Variants in FLRT2 observed in about 807,000 individuals in gnomAD.
FLRT2 encodes fibronectin leucine rich transmembrane protein 2, also known as leucine-rich repeat transmembrane protein FLRT2.
Under a neutral mutation model 40.0 loss-of-function variants are expected in FLRT2, and 15 were observed. The ratio of observed to expected loss-of-function variants is 0.38; its 90% CI spans 0.25 to 0.58. The LOEUF is 0.58. FLRT2 is among the 20% of genes least tolerant of loss of function. The pLI, the probability that FLRT2 is intolerant of heterozygous loss-of-function variation, is 0.71. For missense variants in FLRT2, 726 were observed against 840.0 expected, an observed-to-expected ratio of 0.86 and a Z score of 1.68; for synonymous variants, 380 against 336.8, an observed-to-expected ratio of 1.13 and a Z score of -1.41.
chr14:85,558,790 C>T (rs143931686), intron 1 of FLRT2, among the ~76,000 whole-genome samples: 170 of 152,242 alleles, frequency 1.1e-3, no homozygotes, highest in Non-Finnish European at 2.1e-3. Context: ...TTTTGGAATG[C>T]TTTTGTATCA....
At chr14:85,533,301 G>A (rs913606545) in intron 1 of FLRT2, among the ~76,000 whole-genome samples, 6 of 152,030 alleles carry the variant, frequency 3.9e-5, no homozygotes, top group Non-Finnish European at 5.9e-5. Flanking sequence ...GAGGGGTAGG[G>A]GTGGGGGCCG....
At chr14:85,600,675 G>C (rs1487000052) in intron 1 of FLRT2, among the ~76,000 whole-genome samples, 2 of 152,182 alleles carry the variant, frequency 1.3e-5, no homozygotes, top group Admixed American at 6.5e-5. Flanking sequence ...AATTTCAAAA[G>C]TATTTCAGGA....
At chr14:85,589,993 T>A (rs573480155) in intron 1 of FLRT2, among the ~76,000 whole-genome samples, 9 of 152,162 alleles carry the variant, frequency 5.9e-5, no homozygotes, top group Non-Finnish European at 1.3e-4. Context: ...CTGTTTTGGT[T>A]ACTATAGCTC....
chr14:85,554,590 G>A (rs1025172681), intron 1 of FLRT2, among the ~76,000 whole-genome samples: 4 of 152,168 alleles, frequency 2.6e-5, no homozygotes, highest in African/African-American at 4.8e-5. Context: ...TCACCTGATA[G>A]GGTTGAGAAT....
intron 1 of FLRT2, among the ~76,000 whole-genome samples, chr14:85,606,382 C>T (rs937976266): frequency 3.3e-5 from 5 of 152,176 alleles, no homozygotes; most frequent in Admixed American, 3.3e-4. Flanking sequence ...GTTACTTAAA[C>T]ACTTGACGTC....
intron 1 of FLRT2, among the ~76,000 whole-genome samples, chr14:85,583,022 G>A (rs918662886): frequency 1.3e-5 from 2 of 151,946 alleles, no homozygotes; most frequent in African/African-American, 4.8e-5. Context: ...AAAATAGAAA[G>A]CCATCTGAAA....
intron 1 of FLRT2, among the ~76,000 whole-genome samples, chr14:85,531,405 A>G (rs866389770): frequency 6.6e-6 from 1 of 152,172 alleles, no homozygotes; most frequent in African/African-American, 2.4e-5. Flanking sequence ...CGCGCTGACC[A>G]GTACGGGGCT....
rs979093906 is a variant in FLRT2, at chr14:85,645,848, A to C, written c.*22351A>C. On this transcript the variant is annotated 3_prime_UTR_variant, in exon 2 of 2. Coordinates refer to ENST00000330753, the MANE Select transcript of FLRT2 (RefSeq NM_013231.6). ...TTCAACAACATAGTTCATTTGGTAG[A>C]GTCAATACTGAGTACCTAAGAGCCC... The C allele has an allele frequency of 1.3e-5, 2 of 152,184 alleles. No individual in the cohort carries two copies. The highest frequency in any genetic ancestry group is 4.8e-5 in the African/African-American group (2 of 41,456). 9.4% of individuals were successfully genotyped at this position (152,184 alleles called of 1,614,324 possible).
chr14:85,589,899 T>C (rs1427112321), intron 1 of FLRT2, among the ~76,000 whole-genome samples: 1 of 152,102 alleles, frequency 6.6e-6, no homozygotes, highest in East Asian at 1.9e-4. Flanking sequence ...TTGGCACTTT[T>C]GTCAAAAGTG....
rs140724456 is a variant in FLRT2 at position 85,576,901 on chromosome 14, A to G, written c.-376-44238A>G. On this transcript the variant is annotated intron_variant, in intron 1 of 1. Coordinates refer to ENST00000330753, the MANE Select transcript of FLRT2 (RefSeq NM_013231.6). Reference sequence around the variant, plus strand: ...CCCAAATCTTTGACATGAAATTCACAAAATGTGCACACGTTTTGTATTTCT... The same window carrying G: ...CCCAAATCTTTGACATGAAATTCACGAAATGTGCACACGTTTTGTATTTCT... Among the ~76,000 whole-genome samples the G allele has an allele frequency of 2.3e-3, 349 of 152,336 alleles. 3 individuals carry two copies. The highest frequency in any genetic ancestry group is 0.017 in the Middle Eastern group (5 of 294).
intron 1 of FLRT2, among the ~76,000 whole-genome samples, chr14:85,618,194 A>G (rs1390903339): frequency 6.6e-6 from 1 of 152,184 alleles, no homozygotes; most frequent in Non-Finnish European, 1.5e-5. Context: ...AGCAAACACC[A>G]TCATCCTCAA....
intron 1 of FLRT2, among the ~76,000 whole-genome samples, chr14:85,591,384 G>C (rs1332355385): frequency 6.6e-6 from 1 of 152,172 alleles, no homozygotes; most frequent in Non-Finnish European, 1.5e-5. Flanking sequence ...CTGAATGAAA[G>C]CACGCATCAG....
chr14:85,614,268 T>C (rs1893022930), intron 1 of FLRT2, among the ~76,000 whole-genome samples: 1 of 152,170 alleles, frequency 6.6e-6, no homozygotes, highest in African/African-American at 2.4e-5. Flanking sequence ...CTACCTCTCT[T>C]AAACCAGTTT....
At chr14:85,532,357 G>T (rs1447169607) in intron 1 of FLRT2, among the ~76,000 whole-genome samples, 2 of 152,228 alleles carry the variant, frequency 1.3e-5, no homozygotes, top group Non-Finnish European at 2.9e-5. Context: ...CAACTTACTG[G>T]AGGCAGGAAG....
intron 1 of FLRT2, among the ~76,000 whole-genome samples, chr14:85,559,892 G>A (rs1890200285): frequency 6.6e-6 from 1 of 152,174 alleles, no homozygotes; most frequent in Admixed American, 6.5e-5. Context: ...TCCTGGGCCT[G>A]CCTGGATCAC....
At chr14:85,595,440 A>G (rs1182634512) in intron 1 of FLRT2, among the ~76,000 whole-genome samples, 2 of 128,428 alleles carry the variant, frequency 1.6e-5, no homozygotes, top group Non-Finnish European at 3.3e-5. Context: ...ATTAGCAGTA[A>G]GATGTGAAAA....
In FLRT2 at chr14:85,645,435, T is replaced by C. The variant is rs970169397; in HGVS notation, c.*21938T>C. The C allele has an allele frequency of 6.6e-6, 1 of 152,062 alleles. No individual in the cohort carries two copies. The highest frequency in any genetic ancestry group is 1.5e-5 in the Non-Finnish European group (1 of 68,002). The allele number at this position is 152,062 out of a possible 1,614,324, so 9.4% of individuals were successfully genotyped here. On this transcript the variant is annotated 3_prime_UTR_variant, in exon 2 of 2. Transcript: ENST00000330753. ...TAATTGGCACTTTTTCTTCAACCCA[T>C]ACCTGCTTCTCAGAGAAACTATAGA...
rs869148428 is a variant in FLRT2 at position 85,639,851 on chromosome 14, C to CTTTTTTTTTTT, written c.*16359_*16369dup. On this transcript the variant is annotated 3_prime_UTR_variant, in exon 2 of 2. Transcript: ENST00000330753. ...GAAATTCTTTATTTTTTTTTTTTTC[C>CTTTTTTTTTTT]TTTTTTTTTTTTTTTGAGACAGTGT... 1 of 119,250 alleles carries CTTTTTTTTTTT rather than the reference C, an allele frequency of 8.4e-6. No individual in the cohort carries two copies. Among genetic ancestry groups the CTTTTTTTTTTT allele is most frequent in the Non-Finnish European group, 1.6e-5 (1 of 62,186 alleles). 7.4% of individuals were successfully genotyped at this position (119,250 alleles called of 1,614,324 possible).
intron 1 of FLRT2, among the ~76,000 whole-genome samples, chr14:85,579,839 G>A (rs1891305591): frequency 2.0e-5 from 3 of 151,782 alleles, no homozygotes; most frequent in East Asian, 3.9e-4. Context: ...ATGCCACTGG[G>A]ATACTAGTGA....
Sources: allele counts gnomAD v4.1 joint callset (sites outside exome capture counted in the v4.1 genomes callset), GRCh38; gene constraint gnomAD v4.1.1; transcripts MANE v1.5; gene names NCBI Gene and HGNC (gene_info 2026-07-23, HGNC 2026-07-21).